The following LINGO2 variants were observed in gnomAD, a reference collection of about 807,000 sequenced individuals.
LINGO2 encodes leucine rich repeat and Ig domain containing 2.
In LINGO2, 14 loss-of-function variants were observed where a neutral mutation model predicts 30.6. The observed-to-expected ratio is 0.46, with a 90% CI of 0.30 to 0.72. The LOEUF (loss-of-function observed/expected upper bound fraction) is 0.72, where lower values mean the gene tolerates loss of function less well. Among genes scored for constraint, LINGO2 ranks in the 30% least tolerant of loss-of-function variants. LINGO2 has a pLI of 0.07. For synonymous variants in LINGO2, 317 were observed against 288.5 expected (o/e 1.10, Z -1.00); for missense variants, 729 against 751.7 (o/e 0.97, Z 0.35).
At chr9:28,228,440 C>A (rs73429506) in intron 4 of LINGO2, among the ~76,000 whole-genome samples, 1,522 of 152,108 alleles carry the variant, frequency 0.01, 24 homozygotes, top group African/African-American at 0.03. Context: ...TCATACATAT[C>A]TTTCTTCCTT....
the LINGO2 span, among the ~76,000 whole-genome samples, chr9:28,806,627 G>A: frequency 4.6e-5 from 7 of 151,894 alleles, no homozygotes; most frequent in African/African-American, 1.7e-4. Flanking sequence ...CAAAAACTAG[G>A]GCACCAGGTT....
chr9:28,627,208 G>T (rs749052365), intron 1 of LINGO2, among the ~76,000 whole-genome samples: 1 of 151,956 alleles, frequency 6.6e-6, no homozygotes. Context: ...TCTACAAGAT[G>T]TTCCAGGTAT....
rs535839182 is a variant in LINGO2, at chr9:28,373,446, T to C, written c.-278-578A>G. Among the ~76,000 whole-genome samples, 5 of 152,312 alleles carry C rather than the reference T, an allele frequency of 3.3e-5. No homozygotes were observed. In the East Asian group the frequency reaches 9.6e-4, roughly 29 times the overall value. ...ACATTCCTTATGGAAATTGTAATTA[T>C]GATGCTGAATATTCAAACTGCAAGC... On this transcript the variant is annotated intron_variant, in intron 2 of 5. Transcript: ENST00000379992.
intron 4 of LINGO2, among the ~76,000 whole-genome samples, chr9:28,293,568 G>A (rs1382484154): frequency 1.3e-5 from 2 of 151,962 alleles, no homozygotes; most frequent in Non-Finnish European, 2.9e-5. Flanking sequence ...GTTGTTGGGT[G>A]GAGTGTTCTA....
chr9:28,784,818 G>A, the LINGO2 span, among the ~76,000 whole-genome samples: 2 of 152,034 alleles, frequency 1.3e-5, no homozygotes, highest in South Asian at 4.1e-4. Context: ...TGGGCGTGGT[G>A]GCGTGCACCT....
chr9:28,128,361 C>A (rs1281092157), intron 4 of LINGO2, among the ~76,000 whole-genome samples: 1 of 152,128 alleles, frequency 6.6e-6, no homozygotes, highest in Non-Finnish European at 1.5e-5. Flanking sequence ...TGAAAATCAT[C>A]ATTCCCAGAT....
At chr9:29,136,025 A>T in the LINGO2 span, among the ~76,000 whole-genome samples, 4 of 152,302 alleles carry the variant, frequency 2.6e-5, no homozygotes, top group African/African-American at 9.6e-5. Flanking sequence ...CCAGCTCACT[A>T]CTGAAACAAA....
chr9:28,763,706 A>G, the LINGO2 span, among the ~76,000 whole-genome samples: 1 of 151,756 alleles, frequency 6.6e-6, no homozygotes, highest in Non-Finnish European at 1.5e-5. Context: ...TTAAATAGAG[A>G]ATCTATAAGG....
intron 1 of LINGO2, among the ~76,000 whole-genome samples, chr9:28,534,094 G>C (rs1587817290): frequency 6.6e-6 from 1 of 152,112 alleles, no homozygotes; most frequent in Non-Finnish European, 1.5e-5. Flanking sequence ...AACTGGTTAA[G>C]CATACCCCTT....
intron 4 of LINGO2, among the ~76,000 whole-genome samples, chr9:28,211,550 C>A (rs972736261): frequency 1.3e-5 from 2 of 151,392 alleles, no homozygotes; most frequent in African/African-American, 4.8e-5. Context: ...AATTTGATTA[C>A]TCTAAGCCTG....
chr9:28,679,110 G>A, the LINGO2 span, among the ~76,000 whole-genome samples: 48 of 152,128 alleles, frequency 3.2e-4, no homozygotes, highest in Non-Finnish European at 6.5e-4. Flanking sequence ...AGAAATGACT[G>A]TAAAACACCT....
chr9:28,961,322 G>A, the LINGO2 span, among the ~76,000 whole-genome samples: 1 of 152,078 alleles, frequency 6.6e-6, no homozygotes, highest in East Asian at 1.9e-4. Context: ...GCAAATTCAG[G>A]CCCCTAGCAT....
rs375016200 is a variant in LINGO2, at chr9:28,244,495, CA to C, written c.-87+50712del. Among the ~76,000 whole-genome samples the C allele has an allele frequency of 2.2e-3, 341 of 151,754 alleles. 1 individual carries two copies. Among genetic ancestry groups the C allele is most frequent in the African/African-American group, 8.0e-3 (330 of 41,376 alleles). ...GGAGACAGAGAAACAAAAAACCCTTCAAAAAATTAGTGAATCCAGGAGCTGG... is the reference window on the plus strand; with the variant it reads ...GGAGACAGAGAAACAAAAAACCCTTCAAAAATTAGTGAATCCAGGAGCTGG... On this transcript the variant is annotated intron_variant, in intron 4 of 5. Transcript: ENST00000379992.
At chr9:28,059,419 G>A (rs186442899) in intron 4 of LINGO2, among the ~76,000 whole-genome samples, 4 of 151,980 alleles carry the variant, frequency 2.6e-5, no homozygotes, top group African/African-American at 7.2e-5. Context: ...CTTTGACTCC[G>A]CCGGTCTTTG....
chr9:28,675,192 GA>G (rs1829170398), upstream of LINGO2, among the ~76,000 whole-genome samples: 2 of 152,270 alleles, frequency 1.3e-5, no homozygotes, highest in South Asian at 4.1e-4. Flanking sequence ...CTGAGGCTTA[GA>G]AAGTGATGCA....
chr9:28,112,036 T>A (rs1275048278), intron 4 of LINGO2, among the ~76,000 whole-genome samples: 10 of 117,140 alleles, frequency 8.5e-5, no homozygotes, highest in African/African-American at 3.3e-4. Flanking sequence ...ATTAGGTATA[T>A]CTCCCAATGC....
intron 4 of LINGO2, among the ~76,000 whole-genome samples, chr9:28,040,288 C>A (rs1386682618): frequency 1.3e-5 from 2 of 152,142 alleles, no homozygotes; most frequent in East Asian, 3.9e-4. Flanking sequence ...CAATGAGGCT[C>A]AGTGTTTGAC....
intron 1 of LINGO2, among the ~76,000 whole-genome samples, chr9:28,553,634 G>A (rs944545618): frequency 6.6e-6 from 1 of 151,840 alleles, no homozygotes; most frequent in African/African-American, 2.4e-5. Context: ...TTCAGATTCA[G>A]GAAATACAGA....
chr9:27,996,931 A>G (rs1821694120), intron 5 of LINGO2, among the ~76,000 whole-genome samples: 1 of 152,212 alleles, frequency 6.6e-6, no homozygotes, highest in Non-Finnish European at 1.5e-5. Flanking sequence ...AGCCCAATAA[A>G]TGCTTTTAAA....
Sources: allele counts gnomAD v4.1 joint callset (sites outside exome capture counted in the v4.1 genomes callset), GRCh38; gene constraint gnomAD v4.1.1; transcripts MANE v1.5; gene names NCBI Gene and HGNC (gene_info 2026-07-23, HGNC 2026-07-21).